IL1RAPL2: variants seen among roughly 807,000 people sequenced by gnomAD.
IL1RAPL2 encodes the protein X-linked interleukin-1 receptor accessory protein-like 2.
In IL1RAPL2, 3 loss-of-function variants were observed where a neutral mutation model predicts 44.1. The observed-to-expected ratio is 0.07, with a 90% CI of 0.03 to 0.18. The LOEUF (loss-of-function observed/expected upper bound fraction) is 0.18, where lower values mean the gene tolerates loss of function less well. IL1RAPL2 is among the 10% of genes least tolerant of loss of function. The pLI, the probability that IL1RAPL2 is intolerant of heterozygous loss-of-function variation, is 1.00. For synonymous variants in IL1RAPL2, 181 were observed against 178.8 expected, an observed-to-expected ratio of 1.01 and a Z score of -0.10; for missense variants, 391 against 496.4, an observed-to-expected ratio of 0.79 and a Z score of 2.02.
At chrX:105,177,749 T>C (rs2033488901) in intron 2 of IL1RAPL2, among the ~76,000 whole-genome samples, 1 of 112,264 alleles carries the variant, frequency 8.9e-6, no homozygotes, top group Admixed American at 9.5e-5. Context: ...TACAATTTTA[T>C]ATAAGAAATG....
intron 6 of IL1RAPL2, among the ~76,000 whole-genome samples, chrX:105,492,984 A>G (rs1277154579): frequency 3.6e-5 from 4 of 111,340 alleles, no homozygotes; most frequent in African/African-American, 1.3e-4. Context: ...ATCTGTAACT[A>G]TAGATTTGCC....
At chrX:104,946,332 C>G (rs1925350799) in intron 2 of IL1RAPL2, among the ~76,000 whole-genome samples, 1 of 76,665 alleles carries the variant, frequency 1.3e-5, no homozygotes, top group South Asian at 9.7e-4. Context: ...GAGATTGCGC[C>G]ACTGCAGTCC....
intron 6 of IL1RAPL2, among the ~76,000 whole-genome samples, chrX:105,684,535 G>A (rs1602520689): frequency 2.7e-5 from 3 of 112,575 alleles, no homozygotes; most frequent in East Asian, 2.8e-4. Context: ...CGGGAAGCTC[G>A]AACTGGGTGG....
At chrX:105,354,589 C>A (rs949294223) in intron 5 of IL1RAPL2, among the ~76,000 whole-genome samples, 8 of 110,757 alleles carry the variant, frequency 7.2e-5, no homozygotes, top group Non-Finnish European at 1.1e-4. Context: ...CAACACGGCA[C>A]ATGTGTACAT....
chrX:104,695,769 T>C (rs1160815119), intron 2 of IL1RAPL2, among the ~76,000 whole-genome samples: 5 of 111,615 alleles, frequency 4.5e-5, no homozygotes, highest in Non-Finnish European at 9.4e-5. Flanking sequence ...TTAACTCATT[T>C]AATCCTCACA....
At chrX:105,519,110 T>C (rs2036537238) in intron 6 of IL1RAPL2, among the ~76,000 whole-genome samples, 1 of 112,079 alleles carries the variant, frequency 8.9e-6, no homozygotes, top group African/African-American at 3.2e-5. Context: ...ACACAGATCT[T>C]CTCATCCTAG....
intron 6 of IL1RAPL2, among the ~76,000 whole-genome samples, chrX:105,622,133 A>G (rs1417051456): frequency 9.1e-6 from 1 of 110,210 alleles, no homozygotes; most frequent in Non-Finnish European, 1.9e-5. Flanking sequence ...CTTTTTAATC[A>G]TACGACAATT....
chrX:104,599,869 T>TG (rs1602637306), intron 1 of IL1RAPL2, among the ~76,000 whole-genome samples: 1 of 111,495 alleles, frequency 9.0e-6, no homozygotes, highest in Non-Finnish European at 1.9e-5. Context: ...GAGTTTTTTT[T>TG]GTGTGTGTTT....
chrX:104,665,842 A>G (rs987799764), intron 2 of IL1RAPL2, among the ~76,000 whole-genome samples: 4 of 111,567 alleles, frequency 3.6e-5, no homozygotes, highest in African/African-American at 1.3e-4. Flanking sequence ...TTGCAAAACA[A>G]TGCTGCGAGG....
chrX:105,317,756 A>C (rs1474352735), intron 5 of IL1RAPL2, among the ~76,000 whole-genome samples: 1 of 110,707 alleles, frequency 9.0e-6, no homozygotes, highest in Non-Finnish European at 1.9e-5. Context: ...CCTGAGAACA[A>C]AAAGCATTAA....
At chrX:105,250,115 G>A (rs888403104) in intron 4 of IL1RAPL2, among the ~76,000 whole-genome samples, 3 of 111,208 alleles carry the variant, frequency 2.7e-5, no homozygotes, top group Non-Finnish European at 5.7e-5. Context: ...AAAAGGGTAC[G>A]TACTGTATGC....
chrX:105,082,905 T>C (rs187158715), intron 2 of IL1RAPL2, among the ~76,000 whole-genome samples: 1 of 110,863 alleles, frequency 9.0e-6, no homozygotes, highest in African/African-American at 3.3e-5. Flanking sequence ...CTCCAAAGGA[T>C]CACAACTCCT....
At chrX:105,655,136 G>A (rs968746033) in intron 6 of IL1RAPL2, among the ~76,000 whole-genome samples, 6 of 112,231 alleles carry the variant, frequency 5.3e-5, no homozygotes, top group Non-Finnish European at 1.1e-4. Flanking sequence ...TCTTTCTGCC[G>A]TAAGCCTAAC....
rs184694396 is a variant in IL1RAPL2 at position 105,236,804 on chromosome X, T to G, written c.543+2800T>G. Among the ~76,000 whole-genome samples, 480 of 112,199 alleles carry G rather than the reference T, an allele frequency of 4.3e-3. 2 individuals are homozygous for G. Among genetic ancestry groups the G allele is most frequent in the African/African-American group, 0.014 (444 of 31,009 alleles). On this transcript the variant is annotated intron_variant, in intron 4 of 10. Transcript: ENST00000372582. ...TATTTGGATAGTCTGCCTTGCCTACTTTATAGCCCATGTATTTTCTTTTTT... is the reference window on the plus strand; with the variant it reads ...TATTTGGATAGTCTGCCTTGCCTACGTTATAGCCCATGTATTTTCTTTTTT...
intron 4 of IL1RAPL2, among the ~76,000 whole-genome samples, chrX:105,263,596 A>G (rs1471855489): frequency 9.0e-6 from 1 of 111,639 alleles, no homozygotes; most frequent in Non-Finnish European, 1.9e-5. Flanking sequence ...TTCTTAGTAA[A>G]CAGATATCTC....
chrX:105,037,322 G>T (rs1210403239), intron 2 of IL1RAPL2, among the ~76,000 whole-genome samples: 1 of 111,354 alleles, frequency 9.0e-6, no homozygotes, highest in Middle Eastern at 4.2e-3. Flanking sequence ...TGAACAATAT[G>T]TATTGTTGGG....
At chrX:105,538,068 GCT>G (rs1314591929) in intron 6 of IL1RAPL2, among the ~76,000 whole-genome samples, 2 of 91,898 alleles carry the variant, frequency 2.2e-5, no homozygotes, top group Non-Finnish European at 4.1e-5. Context: ...ACGGAGTCTG[GCT>G]CTGTCGCCCA....
intron 5 of IL1RAPL2, among the ~76,000 whole-genome samples, chrX:105,424,818 G>C (rs767362733): frequency 9.1e-6 from 1 of 110,373 alleles, no homozygotes; most frequent in Non-Finnish European, 1.9e-5. Flanking sequence ...GATTAAGTGT[G>C]TACTGATAAT....
At chrX:105,321,157 A>G (rs1021817798) in intron 5 of IL1RAPL2, among the ~76,000 whole-genome samples, 13 of 111,719 alleles carry the variant, frequency 1.2e-4, no homozygotes, top group African/African-American at 3.9e-4. Context: ...AGGAAGAATC[A>G]GAGGTATACA....
Sources: allele counts gnomAD v4.1 joint callset (sites outside exome capture counted in the v4.1 genomes callset), GRCh38; gene constraint gnomAD v4.1.1; transcripts MANE v1.5; gene names NCBI Gene and HGNC (gene_info 2026-07-23, HGNC 2026-07-21).